Variants in RTN4 observed in about 807,000 individuals in gnomAD.
RTN4 encodes the protein reticulon-4.
Under a neutral mutation model 90.4 loss-of-function variants are expected in RTN4, and 32 were observed. The ratio of observed to expected loss-of-function variants is 0.35; its 90% CI spans 0.27 to 0.48. The LOEUF (loss-of-function observed/expected upper bound fraction) is 0.48. Ranked by LOEUF, RTN4 falls within the 20% of genes least tolerant of loss-of-function variation. The pLI, the probability that RTN4 is intolerant of heterozygous loss-of-function variation, is 0.99. For missense variants in RTN4, 1,706 were observed against 1,430.2 expected (o/e 1.19, Z -3.11); for synonymous variants, 629 against 552.5 (o/e 1.14, Z -1.94).
At chr2:55,119,411 C>A in the RTN4 span, among the ~76,000 whole-genome samples, 1 of 152,128 alleles carries the variant, frequency 6.6e-6, no homozygotes, top group Non-Finnish European at 1.5e-5. Context: ...ATGAATCCAC[C>A]TGAAAAGCTT....
upstream of RTN4, among the ~76,000 whole-genome samples, chr2:55,116,038 T>C (rs551557798): frequency 1.1e-4 from 16 of 151,558 alleles, no homozygotes; most frequent in Admixed American, 5.3e-4. Flanking sequence ...TTAGCTTCCA[T>C]TGTGAGAGAC....
intron 1 of RTN4, among the ~76,000 whole-genome samples, chr2:55,109,337 C>T (rs1384140339): frequency 6.6e-6 from 1 of 152,118 alleles, no homozygotes; most frequent in Non-Finnish European, 1.5e-5. Context: ...AATGTCAATG[C>T]TGATAATAAA....
At chr2:55,092,323 C>T (rs553960526) in intron 1 of RTN4, among the ~76,000 whole-genome samples, 1 of 151,496 alleles carries the variant, frequency 6.6e-6, no homozygotes, top group South Asian at 2.1e-4. Context: ...GTAACCTCCA[C>T]CTCCTGGGTT....
At chr2:54,973,223 A>C (rs758788978) in intron 8 of RTN4, 25 bp from the exon 9 acceptor site, 1 of 1,588,252 alleles carries the variant, frequency 6.3e-7, no homozygotes, top group East Asian at 2.3e-5. Flanking sequence ...GTCAATGTAA[A>C]TATCAGTTTT....
At chr2:55,070,341 G>A (rs182707720) in intron 2 of RTN4, among the ~76,000 whole-genome samples, 6 of 151,542 alleles carry the variant, frequency 4.0e-5, no homozygotes, top group East Asian at 1.9e-4. Context: ...GAAGGATCCC[G>A]TGAGCTCAGG....
At chr2:55,010,381 T>C (rs1680546796) in intron 3 of RTN4, 2 of 1,286,930 alleles carry the variant, frequency 1.6e-6, no homozygotes, top group Non-Finnish European at 2.0e-6. Context: ...TTGATTGTTT[T>C]AGGCATTTGC....
At chr2:55,032,409 AAT>A (rs1228934454) in intron 1 of RTN4, among the ~76,000 whole-genome samples, 1 of 152,174 alleles carries the variant, frequency 6.6e-6, no homozygotes, top group Non-Finnish European at 1.5e-5. Flanking sequence ...TGAAAATTAA[AAT>A]AGCTATTAAG....
chr2:54,994,574 T>C (rs1334845505), intron 3 of RTN4, among the ~76,000 whole-genome samples: 4 of 152,144 alleles, frequency 2.6e-5, no homozygotes, highest in Non-Finnish European at 5.9e-5. Context: ...AAATGGAACA[T>C]TATCAACCTG....
the RTN4 span, among the ~76,000 whole-genome samples, chr2:55,118,522 C>T: frequency 6.6e-6 from 1 of 152,078 alleles, no homozygotes; most frequent in Non-Finnish European, 1.5e-5. Context: ...GAATATGGTC[C>T]TCTGCTTCTA....
intron 1 of RTN4, among the ~76,000 whole-genome samples, chr2:55,103,110 A>G (rs1479440955): frequency 1.6e-4 from 8 of 50,416 alleles, no homozygotes; most frequent in Admixed American, 5.8e-4. Context: ...AAAACTCCGG[A>G]AAAAAAAAAA....
chr2:55,010,425 A>C (rs1011567699), intron 3 of RTN4: 4 of 1,081,558 alleles, frequency 3.7e-6, no homozygotes. Context: ...CTGCATTTGC[A>C]GGGAGAGGGC....
intron 1 of RTN4, chr2:55,049,125 C>T: frequency 1.0e-6 from 1 of 985,948 alleles, no homozygotes; most frequent in African/African-American, 1.7e-5. Context: ...CCACTGGAGG[C>T]GCTCTCCCTT....
At chr2:55,065,331 T>A (rs1397428090) in intron 2 of RTN4, among the ~76,000 whole-genome samples, 1 of 152,238 alleles carries the variant, frequency 6.6e-6, no homozygotes, top group East Asian at 1.9e-4. Context: ...CTTCTACTGC[T>A]ATTTGCTAGT....
intron 5 of RTN4, among the ~76,000 whole-genome samples, chr2:54,979,561 A>G (rs1178812539): frequency 6.6e-6 from 1 of 152,236 alleles, no homozygotes; most frequent in Non-Finnish European, 1.5e-5. Context: ...CAATGGAAAC[A>G]AACACATGGA....
chr2:55,115,181 T>C (rs1668102403), upstream of RTN4, among the ~76,000 whole-genome samples: 2 of 152,348 alleles, frequency 1.3e-5, no homozygotes. Context: ...ATCAGCTCTG[T>C]AGGTCAGAAG....
Position 55,105,016 on chromosome 2 carries a change from G to A in RTN4, c.-214+7504C>T, listed in dbSNP as rs113806203. 3.0e-3 allele frequency among the ~76,000 whole-genome samples: 448 copies of A among 151,122 alleles called. 1 individual carries two copies. The highest frequency in any genetic ancestry group is 5.2e-3 in the Non-Finnish European group (350 of 67,764). ...GAGATGAGGTTTTGCCATGTTGCCC[G>A]GGCTGGTCTCAAACTCCTGAGCTCA... On this transcript the variant is annotated intron_variant, in intron 1 of 3. Coordinates refer to the RTN4 transcript ENST00000427710.
intron 1 of RTN4, among the ~76,000 whole-genome samples, chr2:55,091,450 C>T (rs535784304): frequency 6.6e-6 from 1 of 152,218 alleles, no homozygotes; most frequent in Non-Finnish European, 1.5e-5. Flanking sequence ...CTAGCCCCTG[C>T]TCACTCTCTA....
At chr2:54,973,509 C>G in intron 8 of RTN4, 54 bp downstream of exon 8, 3 of 1,357,000 alleles carry the variant, frequency 2.2e-6, no homozygotes, top group Non-Finnish European at 2.1e-6. Flanking sequence ...ATACTGTTCT[C>G]ACAATCCAGC....
chr2:54,974,524 G>A (rs1331888424), intron 6 of RTN4, among the ~76,000 whole-genome samples, 171 bp downstream of exon 6: 2 of 152,084 alleles, frequency 1.3e-5, no homozygotes, highest in African/African-American at 4.8e-5. Flanking sequence ...CAGGTGATCC[G>A]CCCACCTTGG....
Sources: gnomAD v4.1 joint callset for allele counts (sites outside exome capture counted in the v4.1 genomes callset) on GRCh38, gnomAD v4.1.1 for gene constraint, MANE v1.5 for transcripts, NCBI Gene and HGNC (gene_info 2026-07-23, HGNC 2026-07-21) for gene names.